Variants in ARAP2 observed in about 807,000 individuals in gnomAD.
The protein encoded by ARAP2 is ArfGAP with RhoGAP domain, ankyrin repeat and PH domain 2, also known as arf-GAP with Rho-GAP domain, ANK repeat and PH domain-containing protein 2.
A neutral mutation model predicts 194.5 loss-of-function variants in ARAP2; 148 were observed. The ratio of observed to expected loss-of-function variants is 0.76; its 90% CI spans 0.67 to 0.87. The LOEUF (loss-of-function observed/expected upper bound fraction) is 0.87. Among genes scored for constraint, ARAP2 ranks in the 40% least tolerant of loss-of-function variants. ARAP2 has a pLI of 0.00. For missense variants in ARAP2, 2,128 were observed against 1,989.7 expected, an observed-to-expected ratio of 1.07 and a Z score of -1.32; for synonymous variants, 695 against 683.5, an observed-to-expected ratio of 1.02 and a Z score of -0.26.
intron 19 of ARAP2, among the ~76,000 whole-genome samples, chr4:36,144,557 A>C (rs907320853): frequency 6.6e-6 from 1 of 151,834 alleles, no homozygotes; most frequent in Admixed American, 6.6e-5. Context: ...CAAAGTCCTA[A>C]TTACGCCTAG....
At chr4:36,185,477 G>A (rs4470654) in intron 8 of ARAP2, among the ~76,000 whole-genome samples, 3 of 152,034 alleles carry the variant, frequency 2.0e-5, no homozygotes, top group African/African-American at 7.3e-5. Flanking sequence ...TGTGAAGGCC[G>A]GCTGGAATGT....
intron 7 of ARAP2, among the ~76,000 whole-genome samples, chr4:36,193,252 G>C (rs4260560): frequency 0.9 from 136,773 of 152,254 alleles, 61,559 homozygotes; most frequent in East Asian, 1. Context: ...TAAAAAGAAG[G>C]CTAAATATCT....
intron 5 of ARAP2, among the ~76,000 whole-genome samples, chr4:36,043,424 G>A (rs1721207629): frequency 6.6e-6 from 1 of 152,098 alleles, no homozygotes; most frequent in South Asian, 2.1e-4. Context: ...ATTTAAACAG[G>A]AACTTTAGTC....
At chr4:36,089,573 TTACTC>T (rs1181625695) in intron 28 of ARAP2, among the ~76,000 whole-genome samples, 2 of 152,236 alleles carry the variant, frequency 1.3e-5, no homozygotes, top group South Asian at 4.1e-4. Flanking sequence ...GGAGTTCTAA[TTACTC>T]TACATCATTT....
intron 26 of ARAP2, among the ~76,000 whole-genome samples, chr4:36,113,365 A>T (rs1261969922): frequency 6.6e-6 from 1 of 152,032 alleles, no homozygotes; most frequent in Non-Finnish European, 1.5e-5. Context: ...ATAATACAGG[A>T]ATAAAAACAT....
At chr4:36,104,594 A>G (rs1024629153) in intron 27 of ARAP2, among the ~76,000 whole-genome samples, 2 of 152,056 alleles carry the variant, frequency 1.3e-5, no homozygotes, top group Non-Finnish European at 2.9e-5. Context: ...AGTCATAACT[A>G]TAAGAAAAAA....
At chr4:36,094,058 C>T (rs1714503904) in intron 27 of ARAP2, among the ~76,000 whole-genome samples, 1 of 152,050 alleles carries the variant, frequency 6.6e-6, no homozygotes, top group African/African-American at 2.4e-5. Context: ...ACTAATAAGC[C>T]AGAATTCCCT....
At chr4:36,040,238 G>T (rs1425997476) in intron 5 of ARAP2, among the ~76,000 whole-genome samples, 1 of 152,134 alleles carries the variant, frequency 6.6e-6, no homozygotes, top group East Asian at 1.9e-4. Flanking sequence ...AGAGACTTGG[G>T]CAAGAGAGTG....
intron 5 of ARAP2, among the ~76,000 whole-genome samples, chr4:36,030,348 T>G (rs1718711224): frequency 6.6e-6 from 1 of 152,148 alleles, no homozygotes; most frequent in African/African-American, 2.4e-5. Flanking sequence ...TAGGGGAATT[T>G]GTTATCTCCA....
intron 6 of ARAP2, among the ~76,000 whole-genome samples, chr4:36,205,385 T>C (rs1745331363): frequency 1.3e-5 from 2 of 152,160 alleles, no homozygotes; most frequent in Admixed American, 1.3e-4. Context: ...CTGCCTCTTA[T>C]GAAGAGGTTG....
At chr4:36,052,324 A>T (rs554427350) in intron 2 of ARAP2, among the ~76,000 whole-genome samples, 1 of 152,366 alleles carries the variant, frequency 6.6e-6, no homozygotes, top group East Asian at 1.9e-4. Flanking sequence ...GAACTTATTC[A>T]TAAAGAGCAA....
chr4:36,122,498 GC>G (rs1299659840), intron 22 of ARAP2, among the ~76,000 whole-genome samples: 2 of 151,946 alleles, frequency 1.3e-5, no homozygotes, highest in Non-Finnish European at 2.9e-5. Context: ...AATATCCTTA[GC>G]AAACTAACAC....
intron 20 of ARAP2, among the ~76,000 whole-genome samples, 162 bp from the exon 21 acceptor site, chr4:36,128,907 T>A (rs1440559211): frequency 6.6e-6 from 1 of 152,048 alleles, no homozygotes; most frequent in African/African-American, 2.4e-5. Flanking sequence ...TTTTTACTCC[T>A]GATTTTAGTA....
intron 15 of ARAP2, 47 bp downstream of exon 15, chr4:36,158,683 G>T: frequency 6.8e-7 from 1 of 1,470,640 alleles, no homozygotes; most frequent in Non-Finnish European, 9.2e-7. Context: ...TTTGATAATG[G>T]AATAAAGTTT....
chr4:36,205,261 TGG>T (rs1392056550), intron 6 of ARAP2, among the ~76,000 whole-genome samples: 1 of 151,978 alleles, frequency 6.6e-6, no homozygotes, highest in Non-Finnish European at 1.5e-5. Context: ...TGATCTTCCA[TGG>T]TGGTACATCA....
intron 10 of ARAP2, among the ~76,000 whole-genome samples, 165 bp from the exon 11 acceptor site, chr4:36,165,278 G>A (rs960471058): frequency 2.6e-5 from 4 of 152,198 alleles, no homozygotes; most frequent in South Asian, 2.1e-4. Context: ...ATTTAACTTC[G>A]TCTTTTTTCC....
At chr4:36,029,668 C>G (rs1178482533) in intron 5 of ARAP2, among the ~76,000 whole-genome samples, 1 of 151,888 alleles carries the variant, frequency 6.6e-6, no homozygotes, top group East Asian at 1.9e-4. Context: ...TCTTTTCCCT[C>G]TCTGCATGTG....
intron 5 of ARAP2, among the ~76,000 whole-genome samples, chr4:36,033,300 T>A (rs546044187): frequency 2.0e-5 from 3 of 152,126 alleles, no homozygotes; most frequent in Non-Finnish European, 2.9e-5. Flanking sequence ...CAACAGTATA[T>A]AAGCATTCCC....
chr4:36,105,718 G>A (rs1577902394), intron 27 of ARAP2, among the ~76,000 whole-genome samples: 1 of 151,854 alleles, frequency 6.6e-6, no homozygotes, highest in African/African-American at 2.4e-5. Context: ...CCCCAGCCAT[G>A]CCCCGAAGAT....
Sources: gnomAD v4.1 joint callset for allele counts (sites outside exome capture counted in the v4.1 genomes callset) on GRCh38, gnomAD v4.1.1 for gene constraint, MANE v1.5 for transcripts, NCBI Gene and HGNC (gene_info 2026-07-23, HGNC 2026-07-21) for gene names.